PDGFD: variants seen among roughly 807,000 people sequenced by gnomAD.
The protein encoded by PDGFD is platelet derived growth factor D.
Under a neutral mutation model 44.7 loss-of-function variants are expected in PDGFD, and 30 were observed. The observed-to-expected ratio is 0.67, with a 90% confidence interval of 0.50 to 0.91. PDGFD has a LOEUF of 0.91. PDGFD is among the 40% of genes least tolerant of loss of function. The pLI is 0.00. For synonymous variants in PDGFD, 173 were observed against 168.4 expected, an observed-to-expected ratio of 1.03 and a Z score of -0.21; for missense variants, 445 against 457.8, an observed-to-expected ratio of 0.97 and a Z score of 0.25.
At chr11:104,014,516 C>A (rs1859832064) in intron 1 of PDGFD, among the ~76,000 whole-genome samples, 1 of 152,158 alleles carries the variant, frequency 6.6e-6, no homozygotes, top group African/African-American at 2.4e-5. Flanking sequence ...AACAAACAAA[C>A]AAACAAAAGA....
intron 1 of PDGFD, among the ~76,000 whole-genome samples, chr11:104,109,858 T>C (rs1180011380): frequency 1.3e-5 from 2 of 152,168 alleles, no homozygotes; most frequent in Non-Finnish European, 2.9e-5. Context: ...TAGAGTGTGC[T>C]CTGGATCCAG....
intron 3 of PDGFD, among the ~76,000 whole-genome samples, chr11:103,969,497 T>TTTTC (rs1859072464): frequency 6.7e-6 from 1 of 149,840 alleles, no homozygotes; most frequent in African/African-American, 2.5e-5. Context: ...TTTTTTTTTT[T>TTTTC]TCCTGGAAGT....
intron 1 of PDGFD, among the ~76,000 whole-genome samples, chr11:104,052,542 C>T (rs1178468735): frequency 6.6e-6 from 1 of 151,900 alleles, no homozygotes; most frequent in Non-Finnish European, 1.5e-5. Context: ...TGCTAGCTAC[C>T]AGGGAAGGTG....
At chr11:103,970,207 T>C (rs986309828) in intron 3 of PDGFD, among the ~76,000 whole-genome samples, 6 of 152,042 alleles carry the variant, frequency 3.9e-5, no homozygotes, top group South Asian at 4.1e-4. Context: ...AGAGAACATA[T>C]AAATTAGTGA....
chr11:104,051,875 C>T (rs1860543721), intron 1 of PDGFD, among the ~76,000 whole-genome samples: 1 of 151,980 alleles, frequency 6.6e-6, no homozygotes, highest in Admixed American at 6.5e-5. Flanking sequence ...ATTTATATAA[C>T]ATAAAATCAA....
At chr11:103,969,499 C>G (rs1439330853) in intron 3 of PDGFD, among the ~76,000 whole-genome samples, 1 of 37,820 alleles carries the variant, frequency 2.6e-5, no homozygotes. Context: ...TTTTTTTTTT[C>G]CTGGAAGTGG....
At chr11:104,028,643 G>A (rs375540778) in intron 1 of PDGFD, among the ~76,000 whole-genome samples, 115 of 148,854 alleles carry the variant, frequency 7.7e-4, no homozygotes, top group African/African-American at 2.8e-3. Flanking sequence ...TGGAACACTG[G>A]GTTTCTTGTC....
chr11:103,938,177 A>G (rs937146333), intron 5 of PDGFD, among the ~76,000 whole-genome samples: 29 of 152,064 alleles, frequency 1.9e-4, no homozygotes, highest in Non-Finnish European at 2.5e-4. Context: ...CCAACAGTGT[A>G]AAAGTGTTCC....
intron 1 of PDGFD, among the ~76,000 whole-genome samples, chr11:104,023,952 C>A (rs1339611750): frequency 6.6e-6 from 1 of 152,246 alleles, no homozygotes; most frequent in Middle Eastern, 3.4e-3. Context: ...GGTGGACAAA[C>A]TTGGAACATA....
chr11:104,012,104 G>T (rs1307070558), intron 1 of PDGFD, among the ~76,000 whole-genome samples: 2 of 152,126 alleles, frequency 1.3e-5, no homozygotes, highest in African/African-American at 4.8e-5. Flanking sequence ...TCAAAAGTTG[G>T]AGGCTTTCAA....
intron 1 of PDGFD, among the ~76,000 whole-genome samples, chr11:104,073,671 C>T (rs906107923): frequency 1.3e-5 from 2 of 152,158 alleles, no homozygotes; most frequent in Admixed American, 6.6e-5. Flanking sequence ...CAAAGCACAC[C>T]TCTAAACTGG....
chr11:104,086,691 A>G (rs1861134792), intron 1 of PDGFD, among the ~76,000 whole-genome samples: 1 of 152,204 alleles, frequency 6.6e-6, no homozygotes, highest in African/African-American at 2.4e-5. Flanking sequence ...CATTGTCACA[A>G]TACTTTTTTC....
intron 1 of PDGFD, among the ~76,000 whole-genome samples, chr11:104,116,964 T>A (rs1253349887): frequency 1.3e-5 from 2 of 151,984 alleles, no homozygotes; most frequent in Non-Finnish European, 2.9e-5. Flanking sequence ...CAATTAAACC[T>A]CTTTTTCTTC....
chr11:104,078,485 C>T (rs1860999922), intron 1 of PDGFD, among the ~76,000 whole-genome samples: 1 of 91,832 alleles, frequency 1.1e-5, no homozygotes, highest in Admixed American at 1.0e-4. Flanking sequence ...CTTACCCTAC[C>T]ACTCTCTCCC....
At chr11:104,037,482 G>A (rs1042390127) in intron 1 of PDGFD, 1 of 1,614,160 alleles carries the variant, frequency 6.2e-7, no homozygotes, top group Non-Finnish European at 8.5e-7. Flanking sequence ...AAATCCGGCA[G>A]CAAAACATTG....
chr11:104,070,898 A>C (rs1315851867), intron 1 of PDGFD, among the ~76,000 whole-genome samples: 1 of 152,146 alleles, frequency 6.6e-6, no homozygotes, highest in African/African-American at 2.4e-5. Context: ...GCATGTTCAG[A>C]ATAAATTTCT....
At chr11:104,155,038 A>G (rs1366481047) in intron 1 of PDGFD, among the ~76,000 whole-genome samples, 1 of 152,220 alleles carries the variant, frequency 6.6e-6, no homozygotes, top group African/African-American at 2.4e-5. Flanking sequence ...AACCCAACAG[A>G]GTCTAATCCA....
At chr11:104,092,772 T>A (rs926712183) in intron 1 of PDGFD, among the ~76,000 whole-genome samples, 1 of 152,196 alleles carries the variant, frequency 6.6e-6, no homozygotes, top group Admixed American at 6.5e-5. Context: ...TGTGATGGAC[T>A]TACATAAACA....
intron 1 of PDGFD, among the ~76,000 whole-genome samples, chr11:104,087,143 C>T (rs1219840909): frequency 6.6e-6 from 1 of 150,522 alleles, no homozygotes; most frequent in African/African-American, 2.4e-5. Context: ...ATTCCCCTGC[C>T]TCAGCCTCCC....
Sources: gnomAD v4.1 joint callset for allele counts (sites outside exome capture counted in the v4.1 genomes callset) on GRCh38, gnomAD v4.1.1 for gene constraint, MANE v1.5 for transcripts, NCBI Gene and HGNC (gene_info 2026-07-23, HGNC 2026-07-21) for gene names.